The following EPC1 variants were observed in gnomAD, a reference collection of about 807,000 sequenced individuals.
EPC1 encodes enhancer of polycomb 1, also known as enhancer of polycomb homolog 1.
Under a neutral mutation model 98.4 loss-of-function variants are expected in EPC1, and 12 were observed. The ratio of observed to expected loss-of-function variants is 0.12; its 90% CI spans 0.08 to 0.20. EPC1 has a LOEUF of 0.20. Ranked by LOEUF, EPC1 falls within the 10% of genes least tolerant of loss-of-function variation. EPC1 has a pLI of 1.00. For synonymous variants in EPC1, 357 were observed against 363.9 expected (o/e 0.98, Z 0.21); for missense variants, 729 against 990.5 (o/e 0.74, Z 3.54).
At chr10:32,300,332 T>C (rs900072286) in intron 2 of EPC1, among the ~76,000 whole-genome samples, 5 of 152,114 alleles carry the variant, frequency 3.3e-5, no homozygotes, top group East Asian at 1.9e-4. Flanking sequence ...GCCATGTTGG[T>C]GTGCTGCACC....
At chr10:32,347,936 A>G (rs961628009), upstream of EPC1, among the ~76,000 whole-genome samples, 2 of 152,230 alleles carry the variant, frequency 1.3e-5, no homozygotes, top group African/African-American at 4.8e-5. Context: ...ATTTTCATCT[A>G]CACATATTTA....
intron 1 of EPC1, among the ~76,000 whole-genome samples, chr10:32,314,515 T>C (rs1312268964): frequency 6.6e-6 from 1 of 152,200 alleles, no homozygotes; most frequent in Non-Finnish European, 1.5e-5. Flanking sequence ...CTATGTATTT[T>C]TATTATTTGC....
intron 1 of EPC1, among the ~76,000 whole-genome samples, chr10:32,317,172 T>C (rs1002224551): frequency 2.6e-5 from 4 of 152,148 alleles, no homozygotes; most frequent in Non-Finnish European, 4.4e-5. Flanking sequence ...ATAAGATCCT[T>C]GAAGGTAGGA....
At chr10:32,324,240 TTATTC>T (rs1837124043) in intron 1 of EPC1, among the ~76,000 whole-genome samples, 1 of 150,644 alleles carries the variant, frequency 6.6e-6, no homozygotes, top group East Asian at 2.0e-4. Context: ...CCCGGCCTAG[TTATTC>T]TTTAATAAAT....
chr10:32,322,030 T>C (rs1171829777), intron 1 of EPC1, among the ~76,000 whole-genome samples: 3 of 149,316 alleles, frequency 2.0e-5, no homozygotes, highest in Non-Finnish European at 3.0e-5. Flanking sequence ...TACTTCTACT[T>C]GATTTTAGCT....
chr10:32,371,411 A>G (rs1255235913), intron 1 of EPC1, among the ~76,000 whole-genome samples: 1 of 152,156 alleles, frequency 6.6e-6, no homozygotes, highest in East Asian at 1.9e-4. Flanking sequence ...ATCTTGAGAA[A>G]AACAGCAAAA....
At chr10:32,342,985 G>C (rs1838467246) in intron 1 of EPC1, among the ~76,000 whole-genome samples, 1 of 152,122 alleles carries the variant, frequency 6.6e-6, no homozygotes, top group African/African-American at 2.4e-5. Context: ...CAAGATTTAA[G>C]ATTATAAAGA....
chr10:32,297,860 T>C (rs1181607581), intron 2 of EPC1, among the ~76,000 whole-genome samples: 4 of 152,112 alleles, frequency 2.6e-5, no homozygotes, highest in Non-Finnish European at 5.9e-5. Flanking sequence ...TGCAGTGGCG[T>C]GATCTCGGCT....
chr10:32,300,841 A>AT (rs1439796808), intron 2 of EPC1, among the ~76,000 whole-genome samples: 1 of 151,638 alleles, frequency 6.6e-6, no homozygotes, highest in African/African-American at 2.4e-5. Flanking sequence ...CACCACCATC[A>AT]TTTTTTTTGG....
intron 10 of EPC1, among the ~76,000 whole-genome samples, chr10:32,280,359 T>TGA (rs1592539811): frequency 6.6e-6 from 1 of 151,150 alleles, no homozygotes; most frequent in Non-Finnish European, 1.5e-5. Flanking sequence ...GGCTGAGGCA[T>TGA]GAGAATCACT....
intron 10 of EPC1, among the ~76,000 whole-genome samples, chr10:32,274,873 A>G (rs901065898): frequency 6.6e-6 from 1 of 152,210 alleles, no homozygotes; most frequent in Non-Finnish European, 1.5e-5. Flanking sequence ...TTCATAGTTA[A>G]TATTTCTCAT....
At chr10:32,313,846 A>G (rs1042428061) in intron 1 of EPC1, among the ~76,000 whole-genome samples, 1 of 152,142 alleles carries the variant, frequency 6.6e-6, no homozygotes, top group Non-Finnish European at 1.5e-5. Flanking sequence ...AGATCGCGCC[A>G]CTGCACTCCA....
intron 2 of EPC1, among the ~76,000 whole-genome samples, chr10:32,305,117 T>C (rs1287066072): frequency 1.3e-5 from 2 of 152,218 alleles, no homozygotes; most frequent in Non-Finnish European, 2.9e-5. Flanking sequence ...CGATCACTGC[T>C]TATGAAGAAC....
At chr10:32,307,098 T>C (rs1431673951) in intron 1 of EPC1, among the ~76,000 whole-genome samples, 1 of 152,210 alleles carries the variant, frequency 6.6e-6, no homozygotes, top group Non-Finnish European at 1.5e-5. Flanking sequence ...GTTTGCTTGA[T>C]ATAACCTGGA....
intron 1 of EPC1, among the ~76,000 whole-genome samples, chr10:32,333,288 C>A (rs931898903): frequency 6.6e-6 from 1 of 152,076 alleles, no homozygotes; most frequent in African/African-American, 2.4e-5. Flanking sequence ...TGCAGTGAGC[C>A]GAGATCGTGC....
At chr10:32,346,643 G>T in intron 1 of EPC1, 120 bp downstream of exon 1, 9 of 1,011,226 alleles carry the variant, frequency 8.9e-6, no homozygotes, top group Non-Finnish European at 1.2e-5. Context: ...GCCGGCGACT[G>T]AGAGTCGGCG....
At chr10:32,277,368 A>G (rs1372532184) in intron 10 of EPC1, among the ~76,000 whole-genome samples, 2 of 152,216 alleles carry the variant, frequency 1.3e-5, no homozygotes, top group African/African-American at 4.8e-5. Flanking sequence ...GTATGCTTCC[A>G]TGAGCAAACC....
chr10:32,306,793 T>C (rs1835897931), intron 1 of EPC1, among the ~76,000 whole-genome samples: 1 of 152,106 alleles, frequency 6.6e-6, no homozygotes, highest in Non-Finnish European at 1.5e-5. Context: ...AACTGCCATA[T>C]AAAGGTATTA....
At chr10:32,341,509 T>C (rs1270154896) in intron 1 of EPC1, among the ~76,000 whole-genome samples, 2 of 152,170 alleles carry the variant, frequency 1.3e-5, no homozygotes, top group African/African-American at 4.8e-5. Flanking sequence ...TTTACAAAAT[T>C]TAAGCTACAC....
Sources: gnomAD v4.1 joint callset for allele counts (sites outside exome capture counted in the v4.1 genomes callset) on GRCh38, gnomAD v4.1.1 for gene constraint, MANE v1.5 for transcripts, NCBI Gene and HGNC (gene_info 2026-07-23, HGNC 2026-07-21) for gene names.